Variants in PLXNA4 observed in about 807,000 individuals in gnomAD.
The protein encoded by PLXNA4 is plexin A4, also known as plexin-A4.
PLXNA4 carries 44 observed loss-of-function variants against 191.8 expected under a neutral mutation model. That is an observed-to-expected ratio of 0.23 (90% CI 0.18 to 0.29). PLXNA4 has a LOEUF of 0.29. Among genes scored for constraint, PLXNA4 ranks in the 10% least tolerant of loss-of-function variants. The probability of loss-of-function intolerance (pLI) is 1.00; values close to 1 mark genes in which losing one functional copy is unlikely to be tolerated. For synonymous variants in PLXNA4, 1,082 were observed against 1,009.5 expected, an observed-to-expected ratio of 1.07 and a Z score of -1.36; for missense variants, 1,800 against 2,488.8, an observed-to-expected ratio of 0.72 and a Z score of 5.89.
chr7:132,517,228 C>T (rs1005411375), intron 1 of PLXNA4, among the ~76,000 whole-genome samples: 8 of 152,250 alleles, frequency 5.3e-5, no homozygotes, highest in Middle Eastern at 3.4e-3. Context: ...TGGCCATCAG[C>T]GATGGATGAC....
intron 31 of PLXNA4, among the ~76,000 whole-genome samples, chr7:132,131,867 G>A (rs1305027100): frequency 6.6e-6 from 1 of 152,228 alleles, no homozygotes; most frequent in African/African-American, 2.4e-5. Context: ...GCTCTCCCAT[G>A]ATGTAAGGGC....
rs759175001 is a variant in PLXNA4 at position 132,439,130 on chromosome 7, T to C, written c.1371+50162A>G. On this transcript the variant is annotated intron_variant, in intron 3 of 31. Transcript: ENST00000321063. ...TTTTTTTCCTCAGGCCTGGAGGGAA[T>C]TGAGAAGCAGAAAATAATCTCAGGC... Among the ~76,000 whole-genome samples the C allele has an allele frequency of 4.4e-4, 67 of 152,314 alleles. 1 individual carries two copies. Among genetic ancestry groups the C allele is most frequent in the Admixed American group, 7.8e-4 (12 of 15,304 alleles).
intron 4 of PLXNA4, among the ~76,000 whole-genome samples, chr7:132,265,649 G>A (rs1358183360): frequency 1.3e-5 from 2 of 152,180 alleles, no homozygotes; most frequent in Admixed American, 1.3e-4. Flanking sequence ...ATCTCAAACT[G>A]AATACCTTGT....
chr7:132,166,823 G>A (rs1211050610), intron 22 of PLXNA4, among the ~76,000 whole-genome samples: 1 of 152,134 alleles, frequency 6.6e-6, no homozygotes, highest in East Asian at 1.9e-4. Context: ...GCTGCGTGGT[G>A]AAAGTAAAAC....
At chr7:132,164,367 C>T in intron 23 of PLXNA4, 79 bp from the exon 24 acceptor site, 1 of 1,557,300 alleles carries the variant, frequency 6.4e-7, no homozygotes, top group Non-Finnish European at 8.7e-7. Context: ...CTCCAAAGGG[C>T]TGCTTCCATC....
At chr7:132,152,408 G>A (rs189311234) in intron 25 of PLXNA4, among the ~76,000 whole-genome samples, 71 of 152,284 alleles carry the variant, frequency 4.7e-4, no homozygotes, top group Non-Finnish European at 4.4e-5. Flanking sequence ...AGCCTCAGGA[G>A]GCCCTCTGTG....
intron 1 of PLXNA4, among the ~76,000 whole-genome samples, chr7:132,548,849 G>A (rs1486264151): frequency 1.3e-5 from 2 of 152,126 alleles, no homozygotes; most frequent in Non-Finnish European, 2.9e-5. Context: ...TGAAGAAGCT[G>A]GCCAAAACTC....
intron 25 of PLXNA4, among the ~76,000 whole-genome samples, chr7:132,155,980 T>G (rs1159634931): frequency 2.0e-5 from 3 of 152,176 alleles, no homozygotes; most frequent in Non-Finnish European, 4.4e-5. Flanking sequence ...GTGGGAATTC[T>G]GCCAGCAGAC....
chr7:132,145,980 G>A (rs1436100692), intron 28 of PLXNA4, among the ~76,000 whole-genome samples: 6 of 149,900 alleles, frequency 4.0e-5, no homozygotes, highest in Non-Finnish European at 1.5e-5. Flanking sequence ...CAGCTACTTG[G>A]GAGGCAGGAG....
At chr7:132,632,598 C>G (rs893602413) in intron 2 of PLXNA4, among the ~76,000 whole-genome samples, 3 of 152,232 alleles carry the variant, frequency 2.0e-5, no homozygotes, top group African/African-American at 7.2e-5. Flanking sequence ...GAGATTTCAC[C>G]TGCCAAGAAA....
At chr7:132,172,758 T>TATAATA (rs10651247) in intron 21 of PLXNA4, among the ~76,000 whole-genome samples, 6,884 of 148,970 alleles carry the variant, frequency 0.046, 227 homozygotes, top group African/African-American at 0.084. Flanking sequence ...AAACTTAAAG[T>TATAATA]ATAATAATAA....
chr7:132,405,896 C>G (rs957901427), intron 3 of PLXNA4, among the ~76,000 whole-genome samples: 2 of 152,174 alleles, frequency 1.3e-5, no homozygotes, highest in East Asian at 3.8e-4. Context: ...CTGTAATGCA[C>G]TCAGATATTT....
chr7:132,472,983 T>A (rs948121026), intron 3 of PLXNA4, among the ~76,000 whole-genome samples: 7 of 152,224 alleles, frequency 4.6e-5, no homozygotes, highest in Non-Finnish European at 8.8e-5. Context: ...AACATTATCA[T>A]TGTGGAGTTA....
At chr7:132,300,663 A>G (rs1351155061) in intron 3 of PLXNA4, among the ~76,000 whole-genome samples, 4 of 152,124 alleles carry the variant, frequency 2.6e-5, no homozygotes, top group Admixed American at 1.3e-4. Context: ...TGCAAAACCA[A>G]TTGGGATTAC....
intron 4 of PLXNA4, among the ~76,000 whole-genome samples, chr7:132,244,752 T>C (rs942407494): frequency 2.6e-5 from 4 of 152,338 alleles, no homozygotes; most frequent in Admixed American, 2.6e-4. Flanking sequence ...ATCTCTATCA[T>C]TGCTTTGCCT....
At chr7:132,245,993 T>C (rs779243227) in intron 4 of PLXNA4, among the ~76,000 whole-genome samples, 4 of 152,198 alleles carry the variant, frequency 2.6e-5, no homozygotes, top group Non-Finnish European at 4.4e-5. Flanking sequence ...CAAATGAAAA[T>C]GTTCAGAAGA....
At chr7:132,317,932 G>A (rs541290949) in intron 3 of PLXNA4, among the ~76,000 whole-genome samples, 23 of 152,326 alleles carry the variant, frequency 1.5e-4, no homozygotes, top group Middle Eastern at 3.4e-3. Flanking sequence ...AGCAAGGGTC[G>A]GGGCCAGGCA....
intron 20 of PLXNA4, among the ~76,000 whole-genome samples, chr7:132,179,211 G>A (rs1179540060): frequency 7.7e-6 from 1 of 129,182 alleles, no homozygotes; most frequent in African/African-American, 3.4e-5. Flanking sequence ...GCTTGTAAAT[G>A]AAACACATAC....
intron 3 of PLXNA4, among the ~76,000 whole-genome samples, chr7:132,368,369 C>A (rs557731189): frequency 3.3e-5 from 5 of 152,126 alleles, no homozygotes; most frequent in African/African-American, 1.2e-4. Context: ...TGGGGAGGGA[C>A]GCGGCTGCAC....
Sources: allele counts gnomAD v4.1 joint callset (sites outside exome capture counted in the v4.1 genomes callset), GRCh38; gene constraint gnomAD v4.1.1; transcripts MANE v1.5; gene names NCBI Gene and HGNC (gene_info 2026-07-23, HGNC 2026-07-21).